CFAP47: variants seen among roughly 807,000 people sequenced by gnomAD.
CFAP47 encodes the protein cilia- and flagella-associated protein 47.
CFAP47 carries 29 observed loss-of-function variants against 148.1 expected under a neutral mutation model. That is an observed-to-expected ratio of 0.20 (90% CI 0.15 to 0.27). CFAP47 has a LOEUF of 0.27. Among genes scored for constraint, CFAP47 ranks in the 10% least tolerant of loss-of-function variants. CFAP47 has a pLI of 1.00. For synonymous variants in CFAP47, 664 were observed against 577.3 expected (o/e 1.15, Z -2.15); for missense variants, 1,872 against 1,697.5 (o/e 1.10, Z -1.81).
intron 62 of CFAP47, among the ~76,000 whole-genome samples, chrX:36,375,564 A>G (rs1254050895): frequency 5.4e-5 from 6 of 112,081 alleles, no homozygotes; most frequent in African/African-American, 9.7e-5. Flanking sequence ...TTCAAATCCA[A>G]TGTTTGTTTA....
intron 21 of CFAP47, among the ~76,000 whole-genome samples, chrX:36,003,900 T>G (rs2146694614): frequency 9.2e-6 from 1 of 109,021 alleles, no homozygotes; most frequent in African/African-American, 3.3e-5. Context: ...CTTAAGCTGA[T>G]AAACAACTTT....
chrX:36,324,857 G>C (rs1941505324), intron 57 of CFAP47, among the ~76,000 whole-genome samples: 1 of 110,339 alleles, frequency 9.1e-6, no homozygotes, highest in African/African-American at 3.3e-5. Context: ...CTAAACAAAT[G>C]GTTTTAATTT....
intron 62 of CFAP47, among the ~76,000 whole-genome samples, chrX:36,371,688 G>GTA (rs1309601839): frequency 1.5e-5 from 1 of 67,363 alleles, no homozygotes. Context: ...ATATATGTGT[G>GTA]TATATACACA....
chrX:36,231,882 T>G (rs1555992775), intron 46 of CFAP47, among the ~76,000 whole-genome samples: 1 of 111,958 alleles, frequency 8.9e-6, no homozygotes, highest in African/African-American at 3.3e-5. Context: ...ATGTGGTTTT[T>G]GTCTTTGGTT....
intron 46 of CFAP47, among the ~76,000 whole-genome samples, chrX:36,229,270 G>A (rs1555991972): frequency 8.9e-6 from 1 of 111,839 alleles, no homozygotes; most frequent in Non-Finnish European, 1.9e-5. Context: ...TGGCTTTTTA[G>A]AGGGATAAAT....
chrX:36,379,192 T>A (rs1383142348), intron 62 of CFAP47, among the ~76,000 whole-genome samples, 158 bp from the exon 63 acceptor site: 1 of 112,534 alleles, frequency 8.9e-6, no homozygotes, highest in Non-Finnish European at 1.9e-5. Flanking sequence ...TTCAGTAATT[T>A]TTTTTAAAAT....
At chrX:36,161,836 A>G (rs1223284532) in intron 39 of CFAP47, among the ~76,000 whole-genome samples, 3 of 112,354 alleles carry the variant, frequency 2.7e-5, no homozygotes, top group Middle Eastern at 9.2e-3. Flanking sequence ...TTTAAAAAAT[A>G]TTGTTTTGAA....
intron 26 of CFAP47, among the ~76,000 whole-genome samples, chrX:36,055,676 G>C (rs1271378830): frequency 8.9e-6 from 1 of 111,996 alleles, no homozygotes; most frequent in African/African-American, 3.2e-5. Flanking sequence ...TATTCCTTTG[G>C]ATATATACCC....
chrX:35,957,928 G>T, intron 8 of CFAP47, among the ~76,000 whole-genome samples: 1 of 111,430 alleles, frequency 9.0e-6, no homozygotes, highest in East Asian at 2.8e-4. Context: ...ACACATTGAA[G>T]TATACAATTC....
chrX:36,370,726 C>T (rs782402290), intron 62 of CFAP47, among the ~76,000 whole-genome samples: 1 of 109,744 alleles, frequency 9.1e-6, no homozygotes, highest in Non-Finnish European at 1.9e-5. Context: ...ACTGGAGGGG[C>T]GTATATGAAA....
chrX:36,024,976 G>A (rs1937199972), intron 22 of CFAP47, among the ~76,000 whole-genome samples: 1 of 110,927 alleles, frequency 9.0e-6, no homozygotes, highest in Non-Finnish European at 1.9e-5. Flanking sequence ...AATCTTAATA[G>A]AATGTTTTAC....
chrX:36,206,942 G>A (rs1383869473), intron 45 of CFAP47, among the ~76,000 whole-genome samples: 1 of 112,232 alleles, frequency 8.9e-6, no homozygotes, highest in Non-Finnish European at 1.9e-5. Flanking sequence ...AGATTATAAA[G>A]GGATCTTTTC....
intron 49 of CFAP47, among the ~76,000 whole-genome samples, chrX:36,253,619 C>T (rs1202794074): frequency 9.0e-6 from 1 of 111,378 alleles, no homozygotes; most frequent in Admixed American, 9.6e-5. Flanking sequence ...TGTTCATTTT[C>T]AATTCTGTTA....
intron 15 of CFAP47, among the ~76,000 whole-genome samples, chrX:35,988,558 A>G (rs1420463635): frequency 1.8e-5 from 2 of 112,096 alleles, no homozygotes. Context: ...CCATTCCATG[A>G]CAGTCAACCT....
intron 63 of CFAP47, 57 bp from the exon 64 acceptor site, chrX:36,384,740 A>G (rs1942111529): frequency 1.1e-6 from 1 of 879,316 alleles, no homozygotes; most frequent in Non-Finnish European, 1.6e-6. Context: ...ACTTTTCCCT[A>G]CATGTTTTGA....
At chrX:36,004,388 C>T (rs1936956653) in intron 21 of CFAP47, among the ~76,000 whole-genome samples, 1 of 110,892 alleles carries the variant, frequency 9.0e-6, no homozygotes, top group Non-Finnish European at 1.9e-5. Flanking sequence ...TATTGCTAAC[C>T]AGGGAGGTAT....
intron 42 of CFAP47, among the ~76,000 whole-genome samples, chrX:36,191,342 A>C (rs1939863211): frequency 8.9e-6 from 1 of 111,925 alleles, no homozygotes; most frequent in Non-Finnish European, 1.9e-5. Flanking sequence ...TCTTTGACTT[A>C]GTATATTGGA....
At chrX:36,194,154 A>T (rs955426385) in intron 42 of CFAP47, among the ~76,000 whole-genome samples, 4 of 112,076 alleles carry the variant, frequency 3.6e-5, no homozygotes, top group South Asian at 3.7e-4. Flanking sequence ...TCATTTTATT[A>T]TTCTGCTCAC....
At chrX:35,936,916 G>T (rs1347608748) in intron 2 of CFAP47, among the ~76,000 whole-genome samples, 1 of 108,053 alleles carries the variant, frequency 9.3e-6, no homozygotes, top group Non-Finnish European at 1.9e-5. Context: ...CCCCTTGGCT[G>T]CCCAGGTCTT....
Sources: gnomAD v4.1 joint callset for allele counts (sites outside exome capture counted in the v4.1 genomes callset) on GRCh38, gnomAD v4.1.1 for gene constraint, MANE v1.5 for transcripts, NCBI Gene and HGNC (gene_info 2026-07-23, HGNC 2026-07-21) for gene names.